The following CLPTM1 variants were observed in gnomAD, a reference collection of about 807,000 sequenced individuals.
CLPTM1 encodes the protein putative lipid scramblase CLPTM1.
Under a neutral mutation model 77.3 loss-of-function variants are expected in CLPTM1, and 21 were observed. The observed-to-expected ratio is 0.27, with a 90% confidence interval of 0.19 to 0.39. CLPTM1 has a LOEUF of 0.39. Among genes scored for constraint, CLPTM1 ranks in the 10% least tolerant of loss-of-function variants. The probability of loss-of-function intolerance (pLI) is 1.00; values close to 1 mark genes in which losing one functional copy is unlikely to be tolerated. For missense variants in CLPTM1, 642 were observed against 921.2 expected (o/e 0.70, Z 3.92); for synonymous variants, 373 against 381.0 (o/e 0.98, Z 0.24).
At chr19:44,974,311 C>T in intron 3 of CLPTM1, 128 bp from the exon 4 acceptor site, 2 of 841,532 alleles carry the variant, frequency 2.4e-6, no homozygotes, top group South Asian at 2.2e-5. Flanking sequence ...TGCTCTTCCT[C>T]TCTCCTCTCC....
At position 44,990,384 on chromosome 19, in the gene CLPTM1, C is replaced by A. The variant is rs181554129; in HGVS notation, c.1133-11C>A. 9 of 1,613,604 alleles carry A rather than the reference C, an allele frequency of 5.6e-6. No homozygotes were observed. Among genetic ancestry groups the A allele is most frequent in the South Asian group, 4.4e-5 (4 of 91,062 alleles). On this transcript the variant is annotated splice_polypyrimidine_tract_variant and intron_variant, in intron 9 of 13. Coordinates refer to ENST00000337392, the MANE Select transcript of CLPTM1 (RefSeq NM_001294.4). The surrounding 1 kb of genome is among the most constrained non-coding windows in gnomAD (Gnocchi z 4.8). ...TCAGCCTCCTGGTTCCCCCCTACCC[C>A]CTGCGCACAGATATCCAGTTCTGGA...
chr19:44,955,753 G>C, intron 1 of CLPTM1: 1 of 345,264 alleles, frequency 2.9e-6, no homozygotes. Flanking sequence ...CTTGTACCTT[G>C]GCGCGCTGGG....
In CLPTM1 at chr19:44,990,521, A is replaced by G. The variant is rs571529832; in HGVS notation, c.1259A>G (p.Gln420Arg). The change falls in exon 10 of 14, where the codon CAG (glutamine) becomes CGG (arginine). Residue 420 changes from glutamine (Q) to arginine (R), a missense_variant. Physicochemically the swap from Gln to Arg is conservative, Grantham distance 43 (BLOSUM62 1). Around this residue, in one of 2 missense-constraint regions of CLPTM1, gnomAD observed 521 missense variants for 800.4 expected, o/e 0.65. Transcript: ENST00000337392. The surrounding 1 kb of genome is among the most constrained non-coding windows in gnomAD (Gnocchi z 4.8). ...ILDNETNFVVQVSVFIGVLID... is the reference protein window; with the variant it reads ...ILDNETNFVVRVSVFIGVLID... Reference sequence around the variant, plus strand: ...GACAACGAGACCAACTTCGTGGTCCAGGTCAGCGTCTTCATTGGGGTCCTC... The same window carrying G: ...GACAACGAGACCAACTTCGTGGTCCGGGTCAGCGTCTTCATTGGGGTCCTC... The G allele has an allele frequency of 1.2e-6, 2 of 1,614,116 alleles. No homozygotes were observed. Among genetic ancestry groups the G allele is most frequent in the Admixed American group, 3.3e-5 (2 of 60,018 alleles).
intron 2 of CLPTM1, among the ~76,000 whole-genome samples, chr19:44,971,588 GCTCT>G (rs1356244205): frequency 1.3e-5 from 2 of 151,824 alleles, no homozygotes; most frequent in South Asian, 2.1e-4. Context: ...TTTGGGACAA[GCTCT>G]CTATCTCCCA....
At chr19:44,985,621 A>C (rs572733196) in intron 6 of CLPTM1, among the ~76,000 whole-genome samples, 1 of 152,090 alleles carries the variant, frequency 6.6e-6, no homozygotes, top group Non-Finnish European at 1.5e-5. Context: ...AGGGACTCTC[A>C]CCCACACAGC....
intron 2 of CLPTM1, among the ~76,000 whole-genome samples, chr19:44,969,814 A>T (rs1158325052): frequency 2.0e-5 from 3 of 151,458 alleles, no homozygotes; most frequent in Non-Finnish European, 4.4e-5. Context: ...CCGCCTACCA[A>T]GTAGCTGGGA....
intron 5 of CLPTM1, among the ~76,000 whole-genome samples, chr19:44,978,789 T>TG: frequency 6.6e-6 from 1 of 151,216 alleles, no homozygotes; most frequent in East Asian, 2.0e-4. Context: ...CTCTCAGTAC[T>TG]GGCACATTGG....
chr19:44,991,505 C>A lies in CLPTM1; in HGVS notation c.1555+132C>A. ...GGCAGAGCTGGGATATAGGGAGGCC[C>A]GAGGGCACACATGGCCCCATCTGGG... is the stretch of plus-strand genomic sequence containing the variant. On this transcript the variant is annotated intron_variant, in intron 12 of 13. Transcript: ENST00000337392. This position sits in a 1 kb window ranked among gnomAD's most constrained non-coding sequence, Gnocchi z 5.4. 1 of 1,070,086 alleles carries A rather than the reference C, an allele frequency of 9.3e-7. No homozygotes were observed. Among genetic ancestry groups the A allele is most frequent in the East Asian group, 2.5e-5 (1 of 39,756 alleles). The allele number at this position is 1,070,086 out of a possible 1,614,324, so 66.3% of individuals were successfully genotyped here.
chr19:44,967,059 T>C (rs935985992), intron 2 of CLPTM1, among the ~76,000 whole-genome samples: 11 of 152,254 alleles, frequency 7.2e-5, no homozygotes, highest in Non-Finnish European at 1.6e-4. Flanking sequence ...GCCAGGATAG[T>C]CTCGATCTCC....
intron 9 of CLPTM1, 69 bp downstream of exon 9, chr19:44,988,242 C>T (rs529442785): frequency 4.3e-5 from 46 of 1,073,604 alleles, no homozygotes; most frequent in Admixed American, 5.1e-5. Flanking sequence ...CCCCTTCCTC[C>T]TCCCCTCCCT....
At position 44,955,429 on chromosome 19, in the gene CLPTM1, A is replaced by G. The variant is rs1970446054; in HGVS notation, c.34A>G (p.Ser12Gly). The G allele has an allele frequency of 4.5e-6, 6 of 1,333,966 alleles. No individual in the cohort carries two copies. The highest frequency in any genetic ancestry group is 5.7e-6 in the Non-Finnish European group (6 of 1,044,420). 82.6% of individuals were successfully genotyped at this position (1,333,966 alleles called of 1,614,324 possible). ...AAAQEADGAR[S>G]AVVAAGGGSS... ...GGCGCAGGAGGCGGACGGGGCCCGC[A>G]GCGCCGTGGTGGCGGCCGGGGGAGG... The change falls in exon 1 of 14, where the codon AGC becomes GGC. Residue 12 changes from serine (S) to glycine (G), a missense_variant. This residue lies in a region of CLPTM1 where 121 missense variants were observed against 120.8 expected (regional missense o/e 1.00). Coordinates refer to ENST00000337392, the MANE Select transcript of CLPTM1 (RefSeq NM_001294.4).
intron 2 of CLPTM1, among the ~76,000 whole-genome samples, chr19:44,966,341 G>T (rs1010523315): frequency 3.9e-5 from 6 of 152,156 alleles, no homozygotes; most frequent in Non-Finnish European, 8.8e-5. Flanking sequence ...AACCTAGGAG[G>T]CGGAGCTTGC....
In CLPTM1 at chr19:44,987,878, C is replaced by T. The variant is rs370236230; in HGVS notation, c.1039-202C>T. 3.2e-4 allele frequency: 194 copies of T among 608,596 alleles called. 1 individual carries two copies. In the African/African-American group the frequency reaches 3.2e-3, roughly 10 times the overall value. 37.7% of individuals were successfully genotyped at this position (608,596 alleles called of 1,614,324 possible). ...ACTCCCTTGGCCTCTGCCTCTTCCCCTAGTGCCATCTCCCCGTCTCTTCTG... is the reference window on the plus strand; with the variant it reads ...ACTCCCTTGGCCTCTGCCTCTTCCCTTAGTGCCATCTCCCCGTCTCTTCTG... On this transcript the variant is annotated intron_variant, in intron 8 of 13. Transcript: ENST00000337392.
chr19:44,955,200 G>A (rs1164375623), upstream of CLPTM1: 3 of 1,532,336 alleles, frequency 2.0e-6, no homozygotes, highest in African/African-American at 4.1e-5. Flanking sequence ...CAAACGGGCT[G>A]GGAGAAAGAC....
At chr19:44,983,617 CAAAAAAAAAAAAAAAAAA>C (rs35582067) in intron 5 of CLPTM1, among the ~76,000 whole-genome samples, 7 of 39,788 alleles carry the variant, frequency 1.8e-4, no homozygotes, top group South Asian at 1.6e-3. Context: ...GACTCTGTCT[CAAAAAAAAAAAAAAAAAA>C]AAAAAAAAAA....
chr19:44,982,246 G>A (rs1429822531), intron 5 of CLPTM1, among the ~76,000 whole-genome samples: 1 of 152,060 alleles, frequency 6.6e-6, no homozygotes, highest in African/African-American at 2.4e-5. Flanking sequence ...CTACTCGGGA[G>A]GCTGAGGCAG....
chr19:44,991,416 G>T lies in CLPTM1; in HGVS notation c.1555+43G>T, dbSNP rs1971073896. 6.3e-7 allele frequency: 1 copy of T among 1,597,166 alleles called. No homozygotes were observed. The highest frequency in any genetic ancestry group is 8.5e-7 in the Non-Finnish European group (1 of 1,174,852). ...CCCAGGAGAGAGCAGGCCCCATGCT[G>T]CGCAGGGCTCACAGCCCCAGTGTAG... is the stretch of plus-strand genomic sequence containing the variant. On this transcript the variant is annotated intron_variant, in intron 12 of 13. Transcript: ENST00000337392. This position sits in a 1 kb window ranked among gnomAD's most constrained non-coding sequence, Gnocchi z 5.4.
rs1044484235 is a variant in CLPTM1 at position 44,990,656 on chromosome 19, C to T, written c.1323+71C>T. The T allele has an allele frequency of 5.2e-6, 8 of 1,533,228 alleles. No homozygotes were observed. The Admixed American group carries it at 6.9e-5, about 13-fold the overall frequency. The allele number at this position is 1,533,228 out of a possible 1,614,324, so 95.0% of individuals were successfully genotyped here. The stretch of plus-strand genomic sequence containing the variant: ...AGGGGGTAGTGTGGCCCAGCTGGAC[C>T]CTGGAGCTGGCCCCCGGGGGATTCC... On this transcript the variant is annotated intron_variant, in intron 10 of 13. Coordinates refer to ENST00000337392, the MANE Select transcript of CLPTM1 (RefSeq NM_001294.4). This position sits in a 1 kb window ranked among gnomAD's most constrained non-coding sequence, Gnocchi z 4.8.
rs1308549729 is a variant in CLPTM1, at chr19:44,991,426, C to T, written c.1555+53C>T. 11 of 1,590,552 alleles carry T rather than the reference C, an allele frequency of 6.9e-6. No homozygotes were observed. In the South Asian group the frequency reaches 1.1e-4, roughly 16 times the overall value. On this transcript the variant is annotated intron_variant, in intron 12 of 13. Coordinates refer to ENST00000337392, the MANE Select transcript of CLPTM1 (RefSeq NM_001294.4). The surrounding 1 kb of genome is among the most constrained non-coding windows in gnomAD (Gnocchi z 5.4). The stretch of plus-strand genomic sequence containing the variant: ...AGCAGGCCCCATGCTGCGCAGGGCT[C>T]ACAGCCCCAGTGTAGGAGACAGACC...
Sources: allele counts gnomAD v4.1 joint callset (sites outside exome capture counted in the v4.1 genomes callset), GRCh38; gene constraint gnomAD v4.1.1; regional missense constraint gnomAD v4.1.1; non-coding constraint Gnocchi (gnomAD v3.1); transcripts MANE v1.5; gene names NCBI Gene and HGNC (gene_info 2026-07-23, HGNC 2026-07-21).